Variants in GRB7 observed in about 807,000 individuals in gnomAD.
The protein encoded by GRB7 is growth factor receptor bound protein 7.
A neutral mutation model predicts 64.1 loss-of-function variants in GRB7; 47 were observed. That is an observed-to-expected ratio of 0.73 (90% CI 0.58 to 0.94). The LOEUF is 0.94. GRB7 is among the 40% of genes least tolerant of loss of function. The pLI is 0.00. For synonymous variants in GRB7, 277 were observed against 279.9 expected (o/e 0.99, Z 0.10); for missense variants, 634 against 718.4 (o/e 0.88, Z 1.34).
intron 6 of GRB7, 190 bp downstream of exon 6, chr17:39,743,660 T>C: frequency 1.6e-6 from 1 of 616,210 alleles, no homozygotes; most frequent in East Asian, 2.7e-5. Flanking sequence ...GAGAAATGCA[T>C]GTGGAGCATT....
Position 39,746,837 on chromosome 17 carries a change from G to A in GRB7, c.1539G>A (p.Gln513=). The change falls in exon 15 of 15, where the codon CAG becomes CAA. Residue 513 remains glutamine, a synonymous_variant. Transcript: ENST00000309156. ...TGCTGCAGCTCGTGGAGTTCCACCAGCTGAACCGCGGCATCCTGCCGTGCT... is the reference window on the plus strand; with the variant it reads ...TGCTGCAGCTCGTGGAGTTCCACCAACTGAACCGCGGCATCCTGCCGTGCT... ...TDLLQLVEFH[Q]LNRGILPCLL... is the part of the protein sequence containing the mutation. The A allele has an allele frequency of 6.2e-7, 1 of 1,613,650 alleles. No homozygotes were observed. The highest frequency in any genetic ancestry group is 1.7e-5 in the Admixed American group (1 of 60,030).
chr17:39,746,265 C>T (rs1208169451), intron 14 of GRB7, 63 bp downstream of exon 14: 3 of 1,311,850 alleles, frequency 2.3e-6, no homozygotes, highest in Non-Finnish European at 3.3e-6. Flanking sequence ...AACCTGTCCT[C>T]CTCACCAGGC....
At position 39,742,305 on chromosome 17, in the gene GRB7, G is replaced by C. The variant is rs1218404157; in HGVS notation, c.4G>C (p.Glu2Gln). The C allele has an allele frequency of 6.2e-7, 1 of 1,613,960 alleles. No homozygotes were observed. Among genetic ancestry groups the C allele is most frequent in the Non-Finnish European group, 8.5e-7 (1 of 1,179,990 alleles). Residue 2 changes from glutamate to glutamine, a missense_variant, in exon 2 of 15, where the codon GAG becomes CAG. By Grantham distance (29) the Glu-to-Gln change is conservative. Around this residue, in one of 2 missense-constraint regions of GRB7, gnomAD observed 167 missense variants for 141.9 expected, o/e 1.18. Transcript: ENST00000309156. The part of the protein sequence containing the change: M[E>Q]LDLSPPHLSS... ...GCCCCTCTCTTGCTCAGACGCCATG[G>C]AGCTGGATCTGTCTCCACCTCATCT...
At chr17:39,743,832 A>C (rs1241640761) in intron 6 of GRB7, among the ~76,000 whole-genome samples, 1 of 148,082 alleles carries the variant, frequency 6.8e-6, no homozygotes, top group Admixed American at 6.7e-5. Flanking sequence ...AAAAAAAAAA[A>C]AAAAAAAAAA....
chr17:39,743,928 G>A, intron 6 of GRB7, 142 bp from the exon 7 acceptor site: 1 of 1,026,806 alleles, frequency 9.7e-7, no homozygotes, highest in Non-Finnish European at 1.4e-6. Context: ...GGGAGGTCGA[G>A]GTTGCAGTGA....
At chr17:39,740,658 C>G (rs2059987369) in intron 1 of GRB7, among the ~76,000 whole-genome samples, 1 of 152,178 alleles carries the variant, frequency 6.6e-6, no homozygotes, top group Admixed American at 6.5e-5. Flanking sequence ...TCCTCCTCCC[C>G]CATCCTGTTC....
rs1298364132 is a variant in GRB7 at position 39,746,108 on chromosome 17, G to T, written c.1359-1G>T. On this transcript the variant is annotated splice_acceptor_variant, in intron 13 of 14. Coordinates refer to ENST00000309156, the MANE Select transcript of GRB7 (RefSeq NM_005310.5). LOFTEE classifies it high-confidence loss of function. ...CTGCCCCATCTCCTGTCTTCTGGCA[G>T]CCTGTTCCTGGTCCGGGAGAGTCAG... The T allele has an allele frequency of 6.2e-7, 1 of 1,614,074 alleles. No homozygotes were observed. Among genetic ancestry groups the T allele is most frequent in the Non-Finnish European group, 8.5e-7 (1 of 1,179,954 alleles).
intron 6 of GRB7, 21 bp from the exon 7 acceptor site, chr17:39,744,049 C>G (rs1259275259): frequency 6.2e-7 from 1 of 1,613,908 alleles, no homozygotes; most frequent in Non-Finnish European, 8.5e-7. Flanking sequence ...TGTCACTCTC[C>G]TCTGCTCTCC....
In GRB7 at chr17:39,740,219, A is replaced by G. The variant is rs1597901990; in HGVS notation, c.-50-2033A>G. On this transcript the variant is annotated intron_variant, in intron 1 of 14. Transcript: ENST00000309156. ...TGGGAGTGGGGGATTGTGTTCTGGTATTGAGGTGCTGGTGTCTCTTGCTAG... is the reference window on the plus strand; with the variant it reads ...TGGGAGTGGGGGATTGTGTTCTGGTGTTGAGGTGCTGGTGTCTCTTGCTAG... 5 of 949,958 alleles carry G rather than the reference A, an allele frequency of 5.3e-6. No homozygotes were observed. In the East Asian group the frequency reaches 5.8e-4, roughly 110 times the overall value. 58.8% of individuals were successfully genotyped at this position (949,958 alleles called of 1,614,324 possible).
Position 39,742,965 on chromosome 17 carries a change from G to T in GRB7, c.374G>T (p.Arg125Leu). Reference protein sequence around the residue: ...SVEVAAGATARHVCEMLVQRA... With the variant: ...SVEVAAGATALHVCEMLVQRA... ...GAGGTGGCAGCAGGTGCCACAGCTCGCCACGTGTGTGAAATGCTGGTGCAG... is the reference window on the plus strand; with the variant it reads ...GAGGTGGCAGCAGGTGCCACAGCTCTCCACGTGTGTGAAATGCTGGTGCAG... Residue 125 changes from arginine (R) to leucine (L), a missense_variant, in exon 4 of 15, where the codon CGC becomes CTC. This residue lies in a region of GRB7 where 467 missense variants were observed against 576.6 expected (regional missense o/e 0.81). Coordinates refer to ENST00000309156, the MANE Select transcript of GRB7 (RefSeq NM_005310.5). 6.2e-7 allele frequency: 1 copy of T among 1,613,262 alleles called. No homozygotes were observed. Among genetic ancestry groups the T allele is most frequent in the Non-Finnish European group, 8.5e-7 (1 of 1,179,554 alleles).
In GRB7 at chr17:39,743,461, C is replaced by T; in HGVS notation, c.654C>T (p.Asp218=). 1 of 1,613,992 alleles carries T rather than the reference C, an allele frequency of 6.2e-7. No homozygotes were observed. The highest frequency in any genetic ancestry group is 8.5e-7 in the Non-Finnish European group (1 of 1,179,864). The change falls in exon 6 of 15, where the codon GAC becomes GAT. Residue 218 remains aspartate (D), a synonymous_variant. Coordinates refer to ENST00000309156, the MANE Select transcript of GRB7 (RefSeq NM_005310.5). The part of the protein sequence containing the change: ...LDAHTGISHE[D]LIQNFLNAGS... ...CACACACTGGTATATCCCATGAAGA[C>T]CTCATCCAGGTGGGGGGACCCCCCA...
chr17:39,746,301 G>A, intron 14 of GRB7, 99 bp downstream of exon 14: 3 of 935,510 alleles, frequency 3.2e-6, no homozygotes, highest in Non-Finnish European at 5.2e-6. Flanking sequence ...CTGGCCCCCA[G>A]TGCGTCTCCC....
At chr17:39,743,771 T>C (rs2060017888) in intron 6 of GRB7, among the ~76,000 whole-genome samples, 1 of 148,954 alleles carries the variant, frequency 6.7e-6, no homozygotes, top group Non-Finnish European at 1.5e-5. Context: ...GCCTAGAAGT[T>C]TGAGAGTTTG....
At chr17:39,740,085 C>G (rs1042404358) in intron 1 of GRB7, 1 of 985,570 alleles carries the variant, frequency 1.0e-6, no homozygotes, top group Non-Finnish European at 1.2e-6. Flanking sequence ...GCTCCTCTCC[C>G]CACCCCACTG....
chr17:39,738,798 GC>G, intron 1 of GRB7: 1 of 1,032,750 alleles, frequency 9.7e-7, no homozygotes, highest in South Asian at 1.7e-5. Flanking sequence ...TGTGGGGAGG[GC>G]CCCCTCCACT....
Position 39,742,552 on chromosome 17 carries a change from T to C in GRB7, c.156-14T>C. The C allele has an allele frequency of 6.2e-7, 1 of 1,613,826 alleles. No individual in the cohort carries two copies. The highest frequency in any genetic ancestry group is 8.5e-7 in the Non-Finnish European group (1 of 1,179,978). On this transcript the variant is annotated splice_polypyrimidine_tract_variant and intron_variant, in intron 2 of 14. Transcript: ENST00000309156. ...CCTTCCCCACACCTCTCTCCCTTTT[T>C]CTTCTTGCCACAGGAAACTTCGAGA...
chr17:39,740,258 T>C, intron 1 of GRB7: 1 of 739,918 alleles, frequency 1.4e-6, no homozygotes, highest in Non-Finnish European at 1.7e-6. Flanking sequence ...GTGATGGGTG[T>C]GTCGTGCCCC....
In GRB7 at chr17:39,744,170, G is replaced by A. The variant is rs764599782; in HGVS notation, c.764G>A (p.Arg255Gln). 1.1e-5 allele frequency: 18 copies of A among 1,613,928 alleles called. No homozygotes were observed. Among genetic ancestry groups the A allele is most frequent in the South Asian group, 5.5e-5 (5 of 91,078 alleles). Residue 255 changes from arginine (R) to glutamine (Q), a missense_variant, in exon 7 of 15, where the codon CGA (arginine) becomes CAA (glutamine). Around this residue, in one of 2 missense-constraint regions of GRB7, gnomAD observed 467 missense variants for 576.6 expected, o/e 0.81. Transcript: ENST00000309156. ...AAACGCTTTTTCTGCTTCTTGCGCC[G>A]ATCTGGCCTCTATTACTCCACCAAG... is the stretch of plus-strand genomic sequence containing the variant. ...LWKRFFCFLRRSGLYYSTKGT... is the reference protein window; with the variant it reads ...LWKRFFCFLRQSGLYYSTKGT...
chr17:39,742,863 C>T (rs1252694941), intron 3 of GRB7, 35 bp from the exon 4 acceptor site: 9 of 1,551,736 alleles, frequency 5.8e-6, no homozygotes, highest in Admixed American at 3.8e-5. Context: ...CACCCTTTGC[C>T]TCCCCTCAAG....
Sources: gnomAD v4.1 joint callset for allele counts (sites outside exome capture counted in the v4.1 genomes callset) on GRCh38, gnomAD v4.1.1 for gene constraint, gnomAD v4.1.1 regional missense constraint, MANE v1.5 for transcripts, NCBI Gene and HGNC (gene_info 2026-07-23, HGNC 2026-07-21) for gene names.